The following KAZN variants were observed in gnomAD, a reference collection of about 807,000 sequenced individuals.
The protein encoded by KAZN is kazrin.
A neutral mutation model predicts 87.4 loss-of-function variants in KAZN; 40 were observed. The observed-to-expected ratio is 0.46, with a 90% CI of 0.36 to 0.60. The LOEUF (loss-of-function observed/expected upper bound fraction) is 0.60, where lower values mean the gene tolerates loss of function less well. Ranked by LOEUF, KAZN falls within the 20% of genes least tolerant of loss-of-function variation. KAZN has a pLI of 0.00. For missense variants in KAZN, 898 were observed against 1,073.9 expected (o/e 0.84, Z 2.29); for synonymous variants, 466 against 458.3 (o/e 1.02, Z -0.22).
chr1:14,082,621 G>C (rs150554783), intron 1 of KAZN, among the ~76,000 whole-genome samples: 1 of 152,116 alleles, frequency 6.6e-6, no homozygotes, highest in African/African-American at 2.4e-5. Context: ...CTGAATCTTC[G>C]GGCCAAGTCC....
intron 13 of KAZN, among the ~76,000 whole-genome samples, chr1:15,109,924 GGTGTGTGTGTGTGTGTGTTT>G (rs1641448433): frequency 1.1e-4 from 2 of 18,210 alleles, no homozygotes; most frequent in African/African-American, 2.5e-4. Context: ...TTTGTGTATG[GGTGTGTGTGTGTGTGTGTTT>G]GTGTATGTGT....
intron 2 of KAZN, among the ~76,000 whole-genome samples, chr1:14,288,986 GT>G (rs1462750016): frequency 6.6e-6 from 1 of 152,188 alleles, no homozygotes; most frequent in African/African-American, 2.4e-5. Context: ...ATGTACATGT[GT>G]GGTTTTCAGT....
At chr1:14,448,037 C>T (rs903989415) in intron 2 of KAZN, among the ~76,000 whole-genome samples, 9 of 152,154 alleles carry the variant, frequency 5.9e-5, no homozygotes, top group Non-Finnish European at 1.2e-4. Context: ...AACAGGATAC[C>T]CACTCAGAAG....
chr1:14,262,626 A>AC (rs1310424356), intron 2 of KAZN, among the ~76,000 whole-genome samples: 2 of 151,768 alleles, frequency 1.3e-5, no homozygotes, highest in East Asian at 1.9e-4. Context: ...TACTGGAAGG[A>AC]CCCCCATGAT....
intron 2 of KAZN, among the ~76,000 whole-genome samples, chr1:14,436,753 T>C (rs1666421436): frequency 7.8e-6 from 1 of 128,834 alleles, no homozygotes; most frequent in South Asian, 2.5e-4. Flanking sequence ...AAAACAATCC[T>C]GAGAGGTAGT....
chr1:14,132,258 C>CT (rs1444985289), intron 1 of KAZN, among the ~76,000 whole-genome samples: 1 of 152,140 alleles, frequency 6.6e-6, no homozygotes, highest in Non-Finnish European at 1.5e-5. Flanking sequence ...CCTCCCCACT[C>CT]TGGGCTGAAT....
chr1:14,356,999 C>T (rs1659087516), intron 2 of KAZN, among the ~76,000 whole-genome samples: 2 of 151,650 alleles, frequency 1.3e-5, no homozygotes, highest in South Asian at 4.2e-4. Context: ...AGCATTGAAT[C>T]TATAAATTAC....
intron 2 of KAZN, among the ~76,000 whole-genome samples, chr1:14,253,119 G>GAGA (rs1409224515): frequency 1.1e-5 from 1 of 94,720 alleles, no homozygotes; most frequent in Non-Finnish European, 2.1e-5. Flanking sequence ...CCAGAAAAAA[G>GAGA]AGAAAAAAAA....
chr1:14,207,937 T>C (rs1482161451), intron 2 of KAZN, among the ~76,000 whole-genome samples: 2 of 152,222 alleles, frequency 1.3e-5, no homozygotes, highest in Non-Finnish European at 2.9e-5. Flanking sequence ...AGAACTTGCT[T>C]TGAAGCTTTT....
At chr1:13,961,882 T>C (rs1200684765) in intron 1 of KAZN, among the ~76,000 whole-genome samples, 1 of 152,204 alleles carries the variant, frequency 6.6e-6, no homozygotes, top group African/African-American at 2.4e-5. Context: ...TCAGAATTGA[T>C]TGGCAGTCCA....
At chr1:13,901,406 C>A (rs1460996307) in intron 1 of KAZN, among the ~76,000 whole-genome samples, 2 of 152,148 alleles carry the variant, frequency 1.3e-5, no homozygotes, top group South Asian at 2.1e-4. Context: ...CGGGAAGAAG[C>A]GGATATTTGG....
intron 1 of KAZN, among the ~76,000 whole-genome samples, chr1:14,880,645 A>G (rs890444135): frequency 1.3e-5 from 2 of 152,054 alleles, no homozygotes; most frequent in Admixed American, 6.6e-5. Context: ...TGATGACTTC[A>G]CTCGTCTAAA....
chr1:14,429,509 A>G (rs1046960710), intron 2 of KAZN, among the ~76,000 whole-genome samples: 1 of 152,164 alleles, frequency 6.6e-6, no homozygotes, highest in Non-Finnish European at 1.5e-5. Context: ...CCTCTTTCCA[A>G]AGGGCCGGGA....
chr1:14,124,451 C>A (rs777667305), intron 1 of KAZN: 4 of 152,264 alleles, frequency 2.6e-5, no homozygotes, highest in Non-Finnish European at 4.4e-5. Context: ...TCAGTCTCAT[C>A]TTAACCATAA....
chr1:15,083,844 G>A (rs1376648836), intron 8 of KAZN, among the ~76,000 whole-genome samples: 2 of 152,190 alleles, frequency 1.3e-5, no homozygotes, highest in African/African-American at 2.4e-5. Flanking sequence ...CCTTGCCAAT[G>A]TTATGTAACC....
intron 1 of KAZN, among the ~76,000 whole-genome samples, chr1:14,718,824 C>T (rs971106268): frequency 6.6e-6 from 1 of 152,196 alleles, no homozygotes; most frequent in Non-Finnish European, 1.5e-5. Context: ...CTTAGGGCTA[C>T]GTGGAGGGCT....
In KAZN at chr1:14,333,033, A is replaced by T. The variant is rs187857484; in HGVS notation, c.249+152441A>T. Among the ~76,000 whole-genome samples, 682 of 151,180 alleles carry T rather than the reference A, an allele frequency of 4.5e-3. 4 individuals are homozygous for T. Among genetic ancestry groups the T allele is most frequent in the African/African-American group, 0.015 (617 of 41,130 alleles). ...AGCTATTTTTCCTTATGCTCTCCCT[A>T]CCCCCATCCCACTCCCTGACAGGCC... On this transcript the variant is annotated intron_variant, in intron 2 of 16. Transcript: ENST00000636203.
chr1:14,507,611 C>T (rs1670655066), intron 2 of KAZN, among the ~76,000 whole-genome samples: 1 of 152,106 alleles, frequency 6.6e-6, no homozygotes, highest in African/African-American at 2.4e-5. Flanking sequence ...AAAATAGACA[C>T]CACCTAGCAG....
chr1:14,077,548 A>G (rs891326573), intron 1 of KAZN, among the ~76,000 whole-genome samples: 1 of 152,188 alleles, frequency 6.6e-6, no homozygotes, highest in African/African-American at 2.4e-5. Context: ...TTGCTTTTTC[A>G]GACCTGGAAG....
Sources: gnomAD v4.1 joint callset for allele counts (sites outside exome capture counted in the v4.1 genomes callset) on GRCh38, gnomAD v4.1.1 for gene constraint, MANE v1.5 for transcripts, NCBI Gene and HGNC (gene_info 2026-07-23, HGNC 2026-07-21) for gene names.